Variants in FAM153A observed in about 807,000 individuals in gnomAD.
FAM153A encodes the protein protein FAM153A.
Under a neutral mutation model 48.1 loss-of-function variants are expected in FAM153A, and 12 were observed. The ratio of observed to expected loss-of-function variants is 0.25; its 90% CI spans 0.16 to 0.40. The LOEUF is 0.40. Among genes scored for constraint, FAM153A ranks in the 10% least tolerant of loss-of-function variants. The pLI is 1.00. For missense variants in FAM153A, 111 were observed against 345.8 expected (o/e 0.32, Z 5.38); for synonymous variants, 36 against 118.2 (o/e 0.30, Z 4.51).
chr5:177,715,607 A>G (rs1194685759), intron 25 of FAM153A, among the ~76,000 whole-genome samples: 3 of 151,790 alleles, frequency 2.0e-5, no homozygotes, highest in Non-Finnish European at 1.5e-5. Context: ...GCCAGCCTGT[A>G]CTTGCCTTCA....
At chr5:177,709,020 G>C (rs1299572915), downstream of FAM153A, among the ~76,000 whole-genome samples, 1 of 140,258 alleles carries the variant, frequency 7.1e-6, no homozygotes, top group African/African-American at 2.6e-5. Context: ...ACTTGAACCC[G>C]GGGGGCAGAG....
chr5:177,756,327 T>G (rs1418024096), upstream of FAM153A, among the ~76,000 whole-genome samples: 10 of 148,068 alleles, frequency 6.8e-5, no homozygotes, highest in African/African-American at 2.5e-4. Context: ...AGCCCCCAGA[T>G]TCATAAAGCA....
At chr5:177,701,689 A>G in the FAM153A span, among the ~76,000 whole-genome samples, 22 of 152,030 alleles carry the variant, frequency 1.4e-4, no homozygotes, top group Admixed American at 6.5e-4. Context: ...CTGTAAAGAT[A>G]GCTGAAAATG....
chr5:177,771,691 T>C lies in FAM153A; in HGVS notation c.-57+8758A>G, dbSNP rs1241558637. ...CTGGTCACCGTGTCTAAAGTGTTTATAGAAACAATGCGGTTACTTCTGAGC... is the reference window on the plus strand; with the variant it reads ...CTGGTCACCGTGTCTAAAGTGTTTACAGAAACAATGCGGTTACTTCTGAGC... On this transcript the variant is annotated intron_variant, in intron 1 of 8. Transcript: ENST00000393518. Among the ~76,000 whole-genome samples, 3 of 97,022 alleles carry C rather than the reference T, an allele frequency of 3.1e-5. 1 individual carries two copies. Among genetic ancestry groups the C allele is most frequent in the African/African-American group, 1.2e-4 (3 of 24,440 alleles). 63.7% of individuals were successfully genotyped at this position (97,022 alleles called of 152,430 possible). A position where few individuals can be genotyped will look rare whatever the true frequency, so the allele number is the denominator to read the frequency against.
chr5:177,703,358 T>G (rs1473796010), downstream of FAM153A, among the ~76,000 whole-genome samples: 2 of 151,920 alleles, frequency 1.3e-5, no homozygotes, highest in East Asian at 3.9e-4. Flanking sequence ...TTCTCCCTTT[T>G]GGAATGGGAA....
chr5:177,725,565 A>G (rs1046332870), intron 18 of FAM153A, among the ~76,000 whole-genome samples: 7 of 151,720 alleles, frequency 4.6e-5, no homozygotes, highest in African/African-American at 1.7e-4. Context: ...CACAGAAATG[A>G]GGGGACCCTC....
downstream of FAM153A, among the ~76,000 whole-genome samples, chr5:177,703,257 A>G (rs1469254006): frequency 6.6e-6 from 1 of 151,960 alleles, no homozygotes. Context: ...CATGGAGTCA[A>G]AGGAGATTAT....
chr5:177,716,964 A>AGAGTGTGTGT lies in FAM153A; in HGVS notation c.*1151+198_*1151+199insACACACACTC, dbSNP rs71585654. Among the ~76,000 whole-genome samples the AGAGTGTGTGT allele has an allele frequency of 4.4e-3, 566 of 127,724 alleles. 4 individuals carry two copies. The highest frequency in any genetic ancestry group is 5.0e-3 in the Non-Finnish European group (306 of 61,440). 83.8% of individuals were successfully genotyped at this position (127,724 alleles called of 152,430 possible). A position where few individuals can be genotyped will look rare whatever the true frequency, so the allele number is the denominator to read the frequency against. On this transcript the variant is annotated intron_variant and NMD_transcript_variant, in intron 24 of 26. Transcript: ENST00000360669. ...CAGTAGCATGCCACCATTCCCGCTT[A>AGAGTGTGTGT]GTGTGTGTGTGTGTGTGTGTGTGTG... is the stretch of plus-strand genomic sequence containing the variant.
chr5:177,738,696 C>G (rs1765070829), intron 10 of FAM153A, among the ~76,000 whole-genome samples: 1 of 151,208 alleles, frequency 6.6e-6, no homozygotes, highest in Admixed American at 6.6e-5. Flanking sequence ...TGGCCTTCAG[C>G]TACAGCTGTG....
chr5:177,711,328 G>A (rs868063073), exon 27 of FAM153A: 4 of 151,876 alleles, frequency 2.6e-5, no homozygotes, highest in South Asian at 2.1e-4. Flanking sequence ...CCTCTTCCAA[G>A]TTATCAGGAC....
downstream of FAM153A, chr5:177,718,526 C>T (rs566527278): frequency 1.7e-4 from 23 of 134,836 alleles, 4 homozygotes; most frequent in African/African-American, 6.1e-4. Flanking sequence ...TGCTTTATTC[C>T]ATCATTCCTG....
chr5:177,734,093 C>A (rs1199489123), intron 14 of FAM153A, among the ~76,000 whole-genome samples: 2 of 120,944 alleles, frequency 1.7e-5, no homozygotes, highest in East Asian at 2.9e-4. Context: ...ACACACACAC[C>A]CCCAGACTCA....
chr5:177,701,996 C>T, the FAM153A span, among the ~76,000 whole-genome samples: 4 of 151,472 alleles, frequency 2.6e-5, no homozygotes, highest in Admixed American at 1.3e-4. Context: ...CAAGCTCCGC[C>T]TCCCGGGTTC....
upstream of FAM153A, among the ~76,000 whole-genome samples, chr5:177,757,186 C>T (rs1389151397): frequency 2.1e-5 from 2 of 95,598 alleles, 1 homozygote; most frequent in Non-Finnish European, 4.3e-5. Context: ...AAACTACCAT[C>T]AGAGAATACT....
chr5:177,711,692 A>G (rs1200929861), exon 27 of FAM153A: 1 of 151,992 alleles, frequency 6.6e-6, no homozygotes, highest in Non-Finnish European at 1.5e-5. Context: ...TTCTTCCAGA[A>G]AAGTTGAAGG....
exon 27 of FAM153A, chr5:177,712,890 A>T (rs1415696635): frequency 6.6e-6 from 1 of 151,748 alleles, no homozygotes; most frequent in Non-Finnish European, 1.5e-5. Flanking sequence ...GAGCCTCAAC[A>T]GTGTGTTATG....
chr5:177,764,242 C>T (rs1179788808), intron 1 of FAM153A, among the ~76,000 whole-genome samples: 1 of 149,376 alleles, frequency 6.7e-6, no homozygotes, highest in African/African-American at 2.5e-5. Context: ...TGGGCCTGTC[C>T]CCATGAGGAT....
At chr5:177,756,461 G>T (rs1419011959), upstream of FAM153A, among the ~76,000 whole-genome samples, 2 of 141,180 alleles carry the variant, frequency 1.4e-5, no homozygotes, top group Non-Finnish European at 3.1e-5. Context: ...TCCAGGAATT[G>T]AACTCAGCTC....
chr5:177,705,064 G>GAGGCC (rs1022098425), downstream of FAM153A, among the ~76,000 whole-genome samples: 2 of 150,564 alleles, frequency 1.3e-5, no homozygotes, highest in Non-Finnish European at 2.9e-5. Context: ...AGCACTCTGG[G>GAGGCC]AGGCCGAGGT....
Sources: gnomAD v4.1 joint callset for allele counts (sites outside exome capture counted in the v4.1 genomes callset) on GRCh38, gnomAD v4.1.1 for gene constraint, MANE v1.5 for transcripts, NCBI Gene and HGNC (gene_info 2026-07-23, HGNC 2026-07-21) for gene names.